CAD: variants seen among roughly 807,000 people sequenced by gnomAD.
CAD encodes the protein carbamoyl-phosphate synthetase 2, aspartate transcarbamylase, and dihydroorotase, also known as multifunctional protein CAD.
Under a neutral mutation model 237.2 loss-of-function variants are expected in CAD, and 81 were observed. The observed-to-expected ratio is 0.34, with a 90% CI of 0.29 to 0.41. The LOEUF (loss-of-function observed/expected upper bound fraction) is 0.41. Among genes scored for constraint, CAD ranks in the 10% least tolerant of loss-of-function variants. CAD has a pLI of 1.00. For missense variants in CAD, 2,181 were observed against 2,951.7 expected (o/e 0.74, Z 6.05); for synonymous variants, 1,196 against 1,162.8 (o/e 1.03, Z -0.58).
Position 27,217,970 on chromosome 2 carries a change from A to G in CAD, c.176A>G (p.Asn59Ser), listed in dbSNP as rs1239783650. The change falls in exon 2 of 44, where the codon AAC becomes AGC. Residue 59 changes from asparagine to serine, a missense_variant. Coordinates refer to ENST00000264705, the MANE Select transcript of CAD (RefSeq NM_004341.5). ...GTGCTCACCTATCCTCTGATCGGCA[A>G]CTATGGCATCCCCCCAGATGAAATG... ...ILVLTYPLIG[N>S]YGIPPDEMDE... 4 of 1,612,624 alleles carry G rather than the reference A, an allele frequency of 2.5e-6. No homozygotes were observed. The highest frequency in any genetic ancestry group is 2.2e-5 in the South Asian group (2 of 90,870).
chr2:27,221,856 T>C (rs909375100), intron 3 of CAD, among the ~76,000 whole-genome samples: 5 of 145,880 alleles, frequency 3.4e-5, no homozygotes, highest in African/African-American at 1.3e-4. Context: ...CTGTGGACCT[T>C]GTAACCTATT....
At chr2:27,234,493 G>A in intron 22 of CAD, 25 bp from the exon 23 acceptor site, 1 of 1,610,498 alleles carries the variant, frequency 6.2e-7, no homozygotes. Context: ...CCTGCAGAAG[G>A]CCTGACCAGT....
In CAD at chr2:27,239,363, C is replaced by T. The variant is rs374209835; in HGVS notation, c.5286C>T (p.Ser1762=). The change falls in exon 33 of 44, where the codon AGC becomes AGT. Residue 1762 remains serine, a synonymous_variant. Coordinates refer to ENST00000264705, the MANE Select transcript of CAD (RefSeq NM_004341.5). This position sits in a 1 kb window ranked among gnomAD's most constrained non-coding sequence, Gnocchi z 4.0. The stretch of plus-strand genomic sequence containing the variant: ...TGGAGCATGAGTGGACAATTCCCAG[C>T]CACATGCCCTTCTCCAAGGCCCACT... ...VDLEHEWTIP[S]HMPFSKAHWT... 4.3e-6 allele frequency: 7 copies of T among 1,613,858 alleles called. No homozygotes were observed. The highest frequency in any genetic ancestry group is 1.3e-5 in the African/African-American group (1 of 74,906).
In CAD at chr2:27,226,507, T is replaced by G; in HGVS notation, c.2032-18T>G. ...ACAGGGTCTTCTAGGCCAGTGACTT[T>G]ATTCTCCTTCTTTGCAGTATTACAT... On this transcript the variant is annotated intron_variant, in intron 13 of 43. Transcript: ENST00000264705. The G allele has an allele frequency of 6.2e-7, 1 of 1,613,842 alleles. No homozygotes were observed. Among genetic ancestry groups the G allele is most frequent in the South Asian group, 1.1e-5 (1 of 91,062 alleles).
At position 27,232,417 on chromosome 2, in the gene CAD, G is replaced by A. The variant is rs879717082; in HGVS notation, c.2646-31G>A. On this transcript the variant is annotated intron_variant, in intron 17 of 43. Transcript: ENST00000264705. This position sits in a 1 kb window ranked among gnomAD's most constrained non-coding sequence, Gnocchi z 4.1. Reference sequence around the variant, plus strand: ...TATCAGTCTGTACCCTACTCTCTGGGCCTGTGTTTCAGACCCTTTTTCTAT... The same window carrying A: ...TATCAGTCTGTACCCTACTCTCTGGACCTGTGTTTCAGACCCTTTTTCTAT... 1.9e-6 allele frequency: 3 copies of A among 1,613,394 alleles called. No homozygotes were observed. The highest frequency in any genetic ancestry group is 2.2e-5 in the East Asian group (1 of 44,886).
intron 2 of CAD, among the ~76,000 whole-genome samples, chr2:27,220,802 C>CA (rs776017884): frequency 9.9e-5 from 15 of 151,848 alleles, no homozygotes; most frequent in Non-Finnish European, 1.9e-4. Flanking sequence ...ACTAAAAATA[C>CA]AAAAAATTAG....
In CAD at chr2:27,224,390, C is replaced by T. The variant is rs749792240; in HGVS notation, c.1154C>T (p.Thr385Ile). 3.1e-6 allele frequency: 5 copies of T among 1,614,112 alleles called. No homozygotes were observed. The East Asian group carries it at 1.1e-4, about 36-fold the overall frequency. ...CGCCTCTGTCCCCCTGGGATTCCCA[C>T]TCCCGGCTCTGGACTTCCACCACCA... ...TERLCPPGIP[T>I]PGSGLPPPRK... Residue 385 changes from threonine (T) to isoleucine (I), a missense_variant, in exon 9 of 44, where the codon ACT (threonine) becomes ATT (isoleucine). Thr to Ile is a moderately conservative substitution (Grantham distance 89, BLOSUM62 -1). This residue lies in a region of CAD where 129 missense variants were observed against 143.3 expected (regional missense o/e 0.90). Transcript: ENST00000264705.
At position 27,241,239 on chromosome 2, in the gene CAD, A is replaced by G; in HGVS notation, c.5808+12A>G. ...TCACCAAGGATCAGGTGCCTGGGGC[A>G]GGGAGGATGGGACCACCCAGAGCTT... On this transcript the variant is annotated intron_variant, in intron 37 of 43. Transcript: ENST00000264705. The surrounding 1 kb of genome is among the most constrained non-coding windows in gnomAD (Gnocchi z 4.6). 6.2e-7 allele frequency: 1 copy of G among 1,612,486 alleles called. No individual in the cohort carries two copies. Among genetic ancestry groups the G allele is most frequent in the Non-Finnish European group, 8.5e-7 (1 of 1,179,154 alleles).
rs570370102 is a variant in CAD at position 27,223,315 on chromosome 2, C to T, written c.810-248C>T. Among the ~76,000 whole-genome samples the T allele has an allele frequency of 5.9e-5, 9 of 152,128 alleles. No homozygotes were observed. In the South Asian group the frequency reaches 1.9e-3, roughly 32 times the overall value. The stretch of plus-strand genomic sequence containing the variant: ...CCATGGTGGCGTGCGCCTGTAATCC[C>T]AGCTACTCCAGAGGCTGAGGCAGGA... On this transcript the variant is annotated intron_variant, in intron 6 of 43. Transcript: ENST00000264705.
At chr2:27,221,897 AT>A (rs1675190079) in intron 3 of CAD, among the ~76,000 whole-genome samples, 1 of 146,374 alleles carries the variant, frequency 6.8e-6, no homozygotes, top group Admixed American at 7.1e-5. Flanking sequence ...TGTATCTAGT[AT>A]CCCATAGTCT....
chr2:27,236,340 G>A lies in CAD; in HGVS notation c.4131G>A (p.Gln1377=). Residue 1377 remains glutamine, a synonymous_variant, in exon 26 of 44, where the codon CAG becomes CAA. Transcript: ENST00000264705. The surrounding 1 kb of genome is among the most constrained non-coding windows in gnomAD (Gnocchi z 4.1). The part of the protein sequence containing the change: ...EEAVDGECPP[Q]RSILEQLAEK... The stretch of plus-strand genomic sequence containing the variant: ...CTGTGGATGGTGAGTGCCCACCACA[G>A]CGGAGCATCCTGGAGCAGCTAGCTG... 6.2e-7 allele frequency: 1 copy of A among 1,614,222 alleles called. No homozygotes were observed.
Position 27,233,930 on chromosome 2 carries a change from G to A in CAD, c.3400-78G>A, listed in dbSNP as rs1033100140. The A allele has an allele frequency of 6.5e-6, 10 of 1,547,792 alleles. No individual in the cohort carries two copies. Among genetic ancestry groups the A allele is most frequent in the Admixed American group, 1.7e-5 (1 of 57,194 alleles). On this transcript the variant is annotated intron_variant, in intron 21 of 43. Transcript: ENST00000264705. The surrounding 1 kb of genome is among the most constrained non-coding windows in gnomAD (Gnocchi z 6.3). ...GGGAACAGTGGGCTATGTGGGGCTC[G>A]TTAAAGGAAGAGACAATCCTAGAGT...
Position 27,226,658 on chromosome 2 carries a change from A to T in CAD, c.2156+9A>T. On this transcript the variant is annotated intron_variant, in intron 14 of 43. Coordinates refer to ENST00000264705, the MANE Select transcript of CAD (RefSeq NM_004341.5). ...CCTTTGCCTGAGCTCAGGTACGAGG[A>T]TGAGGGAGATATCACAGTGGGGAAG... 1 of 1,613,932 alleles carries T rather than the reference A, an allele frequency of 6.2e-7. No individual in the cohort carries two copies. The highest frequency in any genetic ancestry group is 1.1e-5 in the South Asian group (1 of 91,062).
At chr2:27,238,970 G>T in intron 31 of CAD, 72 bp from the exon 32 acceptor site, 4 of 1,406,544 alleles carry the variant, frequency 2.8e-6, no homozygotes, top group Non-Finnish European at 3.9e-6. Flanking sequence ...TGGAAGTGCA[G>T]TCCTGGGGTG....
In CAD at chr2:27,235,639, A is replaced by G. The variant is rs1247901005; in HGVS notation, c.4073A>G (p.Lys1358Arg). 1 of 1,613,932 alleles carries G rather than the reference A, an allele frequency of 6.2e-7. No homozygotes were observed. The highest frequency in any genetic ancestry group is 1.3e-5 in the African/African-American group (1 of 75,044). ...GACTTCTACACTGAGCATGGCGTCA[A>G]GGTGCAGGAACTCTGGCAACCTACC... ...TADFYTEHGV[K>R]VTAVDWHFEE... The change falls in exon 25 of 44, where the codon AAG becomes AGG. Residue 1358 changes from lysine to arginine, a missense_variant and splice_region_variant. Lys to Arg is a conservative substitution (Grantham distance 26). Coordinates refer to ENST00000264705, the MANE Select transcript of CAD (RefSeq NM_004341.5). This position sits in a 1 kb window ranked among gnomAD's most constrained non-coding sequence, Gnocchi z 5.2.
In CAD at chr2:27,237,919, G is replaced by C. The variant is rs9679426; in HGVS notation, c.4728+37G>C. On this transcript the variant is annotated intron_variant, in intron 29 of 43. Transcript: ENST00000264705. This position sits in a 1 kb window ranked among gnomAD's most constrained non-coding sequence, Gnocchi z 4.0. ...GCATGTGGCAGGAGGCCACCACCCA[G>C]TGTCTCCTGGCTTGTGGGCCCCTGC... The C allele has an allele frequency of 0.049, 77,175 of 1,582,178 alleles. 2,095 individuals carry two copies. Among genetic ancestry groups the C allele is most frequent in the African/African-American group, 0.087 (6,503 of 74,396 alleles).
Position 27,241,427 on chromosome 2 carries a change from G to T in CAD, c.5883+31G>T. 6.2e-7 allele frequency: 1 copy of T among 1,608,236 alleles called. No homozygotes were observed. Among genetic ancestry groups the T allele is most frequent in the Non-Finnish European group, 8.5e-7 (1 of 1,174,758 alleles). On this transcript the variant is annotated intron_variant, in intron 38 of 43. Coordinates refer to ENST00000264705, the MANE Select transcript of CAD (RefSeq NM_004341.5). This position sits in a 1 kb window ranked among gnomAD's most constrained non-coding sequence, Gnocchi z 4.6. ...GATCAGGGCCGGGGGTAGGGTCCAG[G>T]CCATCGCCTGCCCTTGGGCCGCATC...
Position 27,224,392 on chromosome 2 carries a change from C to T in CAD, c.1156C>T (p.Pro386Ser), listed in dbSNP as rs372155607. 5.5e-5 allele frequency: 88 copies of T among 1,614,088 alleles called. No homozygotes were observed. The highest frequency in any genetic ancestry group is 7.0e-5 in the Non-Finnish European group (83 of 1,180,042). Reference protein sequence around the residue: ...ERLCPPGIPTPGSGLPPPRKV... With the variant: ...ERLCPPGIPTSGSGLPPPRKV... ...CCTCTGTCCCCCTGGGATTCCCACT[C>T]CCGGCTCTGGACTTCCACCACCACG... The change falls in exon 9 of 44, where the codon CCC becomes TCC. Residue 386 changes from proline to serine, a missense_variant. This residue lies in a region of CAD where 129 missense variants were observed against 143.3 expected (regional missense o/e 0.90). Coordinates refer to ENST00000264705, the MANE Select transcript of CAD (RefSeq NM_004341.5).
At position 27,241,463 on chromosome 2, in the gene CAD, CG is replaced by C; in HGVS notation, c.5883+68del. ...CCCTTGGGCCGCATCAGCGCAGGGC[CG>C]CGCAGTGGTCAGAGTGGGTCTTCCT... On this transcript the variant is annotated intron_variant, in intron 38 of 43. Coordinates refer to ENST00000264705, the MANE Select transcript of CAD (RefSeq NM_004341.5). This position sits in a 1 kb window ranked among gnomAD's most constrained non-coding sequence, Gnocchi z 4.6. 1 of 1,484,236 alleles carries C rather than the reference CG, an allele frequency of 6.7e-7. No homozygotes were observed. The highest frequency in any genetic ancestry group is 9.4e-7 in the Non-Finnish European group (1 of 1,063,252). 91.9% of individuals were successfully genotyped at this position (1,484,236 alleles called of 1,614,324 possible).
Sources: allele counts gnomAD v4.1 joint callset (sites outside exome capture counted in the v4.1 genomes callset), GRCh38; gene constraint gnomAD v4.1.1; regional missense constraint gnomAD v4.1.1; non-coding constraint Gnocchi (gnomAD v3.1); transcripts MANE v1.5; gene names NCBI Gene and HGNC (gene_info 2026-07-23, HGNC 2026-07-21).